LYPLAL1: variants seen among roughly 807,000 people sequenced by gnomAD.
LYPLAL1 encodes lysophospholipase-like protein 1.
Under a neutral mutation model 19.7 loss-of-function variants are expected in LYPLAL1, and 23 were observed. The ratio of observed to expected loss-of-function variants is 1.17; its 90% CI spans 0.84 to 1.65. The LOEUF (loss-of-function observed/expected upper bound fraction) is 1.65, where lower values mean the gene tolerates loss of function less well. Among genes scored for constraint, LYPLAL1 ranks in the 40% most tolerant of loss-of-function variants. The probability of loss-of-function intolerance (pLI) is 0.00; values close to 1 mark genes in which losing one functional copy is unlikely to be tolerated. For synonymous variants in LYPLAL1, 119 were observed against 96.3 expected, an observed-to-expected ratio of 1.24 and a Z score of -1.38; for missense variants, 355 against 279.4, an observed-to-expected ratio of 1.27 and a Z score of -1.93.
chr1:219,361,495 G>A, the LYPLAL1 span, among the ~76,000 whole-genome samples: 1 of 152,140 alleles, frequency 6.6e-6, no homozygotes, highest in Non-Finnish European at 1.5e-5. Flanking sequence ...CTATTTCTCA[G>A]TGTGGAGAGC....
At chr1:219,205,289 G>A (rs1216643718) in intron 3 of LYPLAL1, among the ~76,000 whole-genome samples, 2 of 149,646 alleles carry the variant, frequency 1.3e-5, no homozygotes, top group Non-Finnish European at 1.5e-5. Flanking sequence ...CCCGGGAAGC[G>A]GAGCTTGCAG....
At chr1:219,320,823 C>T in the LYPLAL1 span, among the ~76,000 whole-genome samples, 1 of 152,194 alleles carries the variant, frequency 6.6e-6, no homozygotes, top group Non-Finnish European at 1.5e-5. Flanking sequence ...GCCACATTTT[C>T]TTAATCCAGT....
the LYPLAL1 span, among the ~76,000 whole-genome samples, chr1:219,413,835 A>T: frequency 3.3e-5 from 5 of 152,340 alleles, no homozygotes; most frequent in East Asian, 7.7e-4. Context: ...TCACAAGCCC[A>T]CAATCCAATC....
chr1:219,248,081 C>G, the LYPLAL1 span, among the ~76,000 whole-genome samples: 1 of 151,962 alleles, frequency 6.6e-6, no homozygotes, highest in African/African-American at 2.4e-5. Context: ...TCAAATTTTC[C>G]AAATCAGAGA....
chr1:219,332,139 T>C, the LYPLAL1 span, among the ~76,000 whole-genome samples: 1,685 of 152,290 alleles, frequency 0.011, 32 homozygotes, highest in African/African-American at 0.038. Flanking sequence ...CTGCTCCCTC[T>C]TTCTTGAAAC....
chr1:219,248,945 A>G, the LYPLAL1 span, among the ~76,000 whole-genome samples: 1 of 152,110 alleles, frequency 6.6e-6, no homozygotes, highest in Non-Finnish European at 1.5e-5. Flanking sequence ...AGAAATATGT[A>G]TATGTCTTTA....
At chr1:219,187,442 G>A (rs1656820259) in intron 2 of LYPLAL1, among the ~76,000 whole-genome samples, 1 of 151,150 alleles carries the variant, frequency 6.6e-6, no homozygotes, top group Non-Finnish European at 1.5e-5. Flanking sequence ...TAAATGAAGT[G>A]CCCAATAAAG....
At chr1:219,284,522 G>A in the LYPLAL1 span, among the ~76,000 whole-genome samples, 1 of 151,726 alleles carries the variant, frequency 6.6e-6, no homozygotes, top group African/African-American at 2.4e-5. Flanking sequence ...CCTACAAAAA[G>A]TAAAAAATAA....
At chr1:219,420,676 A>G in the LYPLAL1 span, among the ~76,000 whole-genome samples, 1 of 152,162 alleles carries the variant, frequency 6.6e-6, no homozygotes, top group African/African-American at 2.4e-5. Context: ...GTCATTTGTA[A>G]TAAAATTGCT....
At chr1:219,437,341 A>G in the LYPLAL1 span, among the ~76,000 whole-genome samples, 8 of 152,036 alleles carry the variant, frequency 5.3e-5, no homozygotes, top group African/African-American at 1.9e-4. Flanking sequence ...TAACTAGGAC[A>G]TCCTGTTTTC....
the LYPLAL1 span, among the ~76,000 whole-genome samples, chr1:219,237,385 C>G: frequency 2.0e-5 from 3 of 152,292 alleles, no homozygotes; most frequent in Non-Finnish European, 2.9e-5. Context: ...GACTCAGACT[C>G]TGTGTGTGGG....
chr1:219,347,852 T>C, the LYPLAL1 span, among the ~76,000 whole-genome samples: 1 of 151,552 alleles, frequency 6.6e-6, no homozygotes, highest in Non-Finnish European at 1.5e-5. Context: ...CAGATTCTCC[T>C]TGATGCACAG....
chr1:219,297,742 G>T, the LYPLAL1 span, among the ~76,000 whole-genome samples: 368 of 152,278 alleles, frequency 2.4e-3, 2 homozygotes, highest in African/African-American at 8.4e-3. Context: ...TATTTACATT[G>T]GAGTTGACAT....
intron 3 of LYPLAL1, among the ~76,000 whole-genome samples, chr1:219,194,468 G>C (rs537320998): frequency 6.6e-6 from 1 of 152,108 alleles, no homozygotes; most frequent in South Asian, 2.1e-4. Context: ...GGGATGTGCA[G>C]ATAAGTAAAG....
chr1:219,188,328 A>G (rs2125051908), intron 2 of LYPLAL1, among the ~76,000 whole-genome samples: 1 of 151,990 alleles, frequency 6.6e-6, no homozygotes, highest in South Asian at 2.1e-4. Context: ...AAAGGGAGGT[A>G]TACTTTCAGT....
At chr1:219,276,431 G>C in the LYPLAL1 span, among the ~76,000 whole-genome samples, 1 of 152,008 alleles carries the variant, frequency 6.6e-6, no homozygotes, top group South Asian at 2.1e-4. Flanking sequence ...CAAAAATTAA[G>C]ATTTATAAGC....
At chr1:219,328,807 G>A in the LYPLAL1 span, among the ~76,000 whole-genome samples, 1 of 152,098 alleles carries the variant, frequency 6.6e-6, no homozygotes, top group Non-Finnish European at 1.5e-5. Context: ...TACTTTTGTT[G>A]CAATTATTTT....
chr1:219,404,851 A>G, the LYPLAL1 span, among the ~76,000 whole-genome samples: 1 of 152,222 alleles, frequency 6.6e-6, no homozygotes, highest in African/African-American at 2.4e-5. Flanking sequence ...TGCTCATTAC[A>G]CATTTTTCAC....
the LYPLAL1 span, among the ~76,000 whole-genome samples, chr1:219,323,408 G>A: frequency 1.3e-5 from 2 of 152,182 alleles, no homozygotes; most frequent in African/African-American, 4.8e-5. Context: ...GAGTTTGAAA[G>A]AGGTTAGGGA....
Sources: gnomAD v4.1 joint callset for allele counts (sites outside exome capture counted in the v4.1 genomes callset) on GRCh38, gnomAD v4.1.1 for gene constraint, MANE v1.5 for transcripts, NCBI Gene and HGNC (gene_info 2026-07-23, HGNC 2026-07-21) for gene names.